ATP2C2: variants seen among roughly 807,000 people sequenced by gnomAD.
The protein encoded by ATP2C2 is ATPase secretory pathway Ca2+ transporting 2.
ATP2C2 carries 171 observed loss-of-function variants against 110.8 expected under a neutral mutation model. That is an observed-to-expected ratio of 1.54 (90% CI 1.36 to 1.75). The LOEUF (loss-of-function observed/expected upper bound fraction) is 1.75, where lower values mean the gene tolerates loss of function less well. Among genes scored for constraint, ATP2C2 ranks in the 40% most tolerant of loss-of-function variants. The probability of loss-of-function intolerance (pLI) is 0.00; values close to 1 mark genes in which losing one functional copy is unlikely to be tolerated. For missense variants in ATP2C2, 1,963 were observed against 1,235.0 expected (o/e 1.59, Z -8.84); for synonymous variants, 804 against 508.4 (o/e 1.58, Z -7.82).
rs189376627 is a variant in ATP2C2, at chr16:84,462,008, C to T, written c.2601C>T (p.Ile867=). The T allele has an allele frequency of 1.6e-4, 262 of 1,613,794 alleles. 4 individuals are homozygous for T. The East Asian group carries it at 4.1e-3, about 25-fold the overall frequency. ...CRSQTKLIFE[I]GFLRNHMFLY... ...TGCAGACCAAGCTGATATTTGAGAT[C>T]GGCTTTCTCAGGAACCACATGTTCC... The change falls in exon 26 of 27, where the codon ATC becomes ATT. Residue 867 remains isoleucine, a synonymous_variant. Transcript: ENST00000262429.
In ATP2C2 at chr16:84,459,252, G is replaced by T. The variant is rs1911005525; in HGVS notation, c.2217-18G>T. On this transcript the variant is annotated intron_variant, in intron 22 of 26. Coordinates refer to ENST00000262429, the MANE Select transcript of ATP2C2 (RefSeq NM_014861.4). ...ACGCCTGGCGGGCGGCCGCTGACTG[G>T]CTGCGTGTGCCCCGCAGGAGCATCT... The T allele has an allele frequency of 6.2e-7, 1 of 1,614,056 alleles. No homozygotes were observed. Among genetic ancestry groups the T allele is most frequent in the African/African-American group, 1.3e-5 (1 of 75,060 alleles).
In ATP2C2 at chr16:84,460,700, C is replaced by T. The variant is rs368721842; in HGVS notation, c.2380C>T (p.Arg794Trp). 7.6e-5 allele frequency: 122 copies of T among 1,614,090 alleles called. No homozygotes were observed. Among genetic ancestry groups the T allele is most frequent in the African/African-American group, 4.7e-4 (35 of 74,928 alleles). The part of the protein sequence containing the change: ...VDKDAFRQPP[R>W]SVRDTILSRA... ...CAAAGACGCCTTCAGGCAGCCACCA[C>T]GGAGTGTGCGGGACACCATCCTCAG... Residue 794 changes from arginine (R) to tryptophan (W), a missense_variant, in exon 24 of 27, where the codon CGG becomes TGG. Coordinates refer to ENST00000262429, the MANE Select transcript of ATP2C2 (RefSeq NM_014861.4).
chr16:84,436,708 A>C (rs1229611923), intron 11 of ATP2C2, among the ~76,000 whole-genome samples: 1 of 146,260 alleles, frequency 6.8e-6, no homozygotes, highest in Non-Finnish European at 1.5e-5. Context: ...GATCCGGCCA[A>C]CCTCCCTCAC....
Position 84,451,940 on chromosome 16 carries a change from G to T in ATP2C2, c.1680G>T (p.Gly560=). ...CCTCAGTGCTGGCCCTGGCTTCTGGGCCCGAGCTGGGGCGGCTGACGTTTC... is the reference window on the plus strand; with the variant it reads ...CCTCAGTGCTGGCCCTGGCTTCTGGTCCCGAGCTGGGGCGGCTGACGTTTC... ...LGLRVLALAS[G]PELGRLTFLG... Residue 560 remains glycine, a synonymous_variant, in exon 18 of 27, where the codon GGG becomes GGT. Coordinates refer to ENST00000262429, the MANE Select transcript of ATP2C2 (RefSeq NM_014861.4). 6.2e-7 allele frequency: 1 copy of T among 1,614,024 alleles called. No individual in the cohort carries two copies. Among genetic ancestry groups the T allele is most frequent in the Non-Finnish European group, 8.5e-7 (1 of 1,180,012 alleles).
chr16:84,374,531 A>G (rs964794816), intron 1 of ATP2C2, among the ~76,000 whole-genome samples: 2 of 152,198 alleles, frequency 1.3e-5, no homozygotes, highest in African/African-American at 4.8e-5. Flanking sequence ...GCATCCCGGA[A>G]ACCCTGCCCC....
intron 1 of ATP2C2, among the ~76,000 whole-genome samples, chr16:84,389,718 T>G (rs533372466): frequency 1.7e-5 from 2 of 116,184 alleles, no homozygotes; most frequent in African/African-American, 3.2e-5. Flanking sequence ...TCTCACTGTT[T>G]CCTTTTTTTT....
At chr16:84,463,021 C>G (rs766176244) in intron 26 of ATP2C2, 1 of 155,294 alleles carries the variant, frequency 6.4e-6, no homozygotes, top group African/African-American at 2.4e-5. Flanking sequence ...GACAAGAGGA[C>G]CCCCCAAAAC....
At chr16:84,453,422 A>G in intron 20 of ATP2C2, 51 bp downstream of exon 20, 1 of 1,607,024 alleles carries the variant, frequency 6.2e-7, no homozygotes, top group Non-Finnish European at 8.5e-7. Flanking sequence ...CGGGCCAGAG[A>G]CACTGTGGCT....
intron 13 of ATP2C2, 89 bp downstream of exon 13, chr16:84,439,613 A>G: frequency 8.1e-7 from 1 of 1,229,524 alleles, no homozygotes. Context: ...CTTCTAGAAC[A>G]CAATAAGGAA....
intron 3 of ATP2C2, 42 bp from the exon 4 acceptor site, chr16:84,408,363 T>G: frequency 1.8e-5 from 29 of 1,582,584 alleles, no homozygotes; most frequent in Non-Finnish European, 2.3e-5. Flanking sequence ...TTCTGGTCCC[T>G]GAGACTAAAG....
chr16:84,440,046 C>G (rs553499236), intron 13 of ATP2C2, among the ~76,000 whole-genome samples: 37 of 152,352 alleles, frequency 2.4e-4, no homozygotes, highest in Admixed American at 5.9e-4. Context: ...ATATGTTGGC[C>G]AGGCTGGTCT....
intron 7 of ATP2C2, among the ~76,000 whole-genome samples, chr16:84,420,543 G>T (rs1907239973): frequency 6.7e-6 from 1 of 150,342 alleles, no homozygotes; most frequent in East Asian, 2.0e-4. Context: ...TCAGCTCAGG[G>T]TTCCCATCTA....
At chr16:84,462,327 C>A in intron 26 of ATP2C2, 198 bp downstream of exon 26, 2 of 677,600 alleles carry the variant, frequency 3.0e-6, no homozygotes, top group Non-Finnish European at 4.8e-6. Flanking sequence ...GCACAGAAAC[C>A]CCTAGGAAGA....
In ATP2C2 at chr16:84,458,725, C is replaced by G. The variant is rs959033832; in HGVS notation, c.2148-395C>G. On this transcript the variant is annotated intron_variant, in intron 21 of 26. Transcript: ENST00000262429. ...CCCTCCCTCCTTACCGTCCTCCGGA[C>G]CTCATTTTTAGGCCGAACTGGTTTT... Among the ~76,000 whole-genome samples the G allele has an allele frequency of 4.3e-4, 65 of 152,210 alleles. 1 individual carries two copies. Among genetic ancestry groups the G allele is most frequent in the Admixed American group, 3.7e-3 (57 of 15,290 alleles).
At chr16:84,412,192 G>T (rs1249882971) in intron 6 of ATP2C2, among the ~76,000 whole-genome samples, 2 of 152,012 alleles carry the variant, frequency 1.3e-5, no homozygotes, top group Non-Finnish European at 2.9e-5. Context: ...CTACTTTTTT[G>T]TATCAGCTGC....
intron 1 of ATP2C2, among the ~76,000 whole-genome samples, chr16:84,388,983 G>C (rs2151406576): frequency 6.6e-6 from 1 of 152,224 alleles, no homozygotes; most frequent in South Asian, 2.1e-4. Flanking sequence ...TGTTACCCAG[G>C]ATGGTCTCAA....
chr16:84,414,369 T>C (rs1221043421), intron 6 of ATP2C2, among the ~76,000 whole-genome samples: 2 of 152,210 alleles, frequency 1.3e-5, no homozygotes, highest in Non-Finnish European at 2.9e-5. Context: ...CCACTGGGGT[T>C]GCATTGGTTC....
intron 1 of ATP2C2, among the ~76,000 whole-genome samples, chr16:84,395,115 T>A (rs1161422020): frequency 1.3e-5 from 2 of 152,002 alleles, no homozygotes; most frequent in African/African-American, 4.8e-5. Flanking sequence ...GTGAGCAGAG[T>A]CCCTGTTTCC....
chr16:84,397,826 C>T (rs1313162453), intron 1 of ATP2C2, among the ~76,000 whole-genome samples: 1 of 151,786 alleles, frequency 6.6e-6, no homozygotes, highest in East Asian at 1.9e-4. Flanking sequence ...CATGCATTCT[C>T]ACTTGTATAA....
Sources: gnomAD v4.1 joint callset for allele counts (sites outside exome capture counted in the v4.1 genomes callset) on GRCh38, gnomAD v4.1.1 for gene constraint, MANE v1.5 for transcripts, NCBI Gene and HGNC (gene_info 2026-07-23, HGNC 2026-07-21) for gene names.